DTNA: variants seen among roughly 807,000 people sequenced by gnomAD.
DTNA encodes dystrobrevin alpha.
A neutral mutation model predicts 100.7 loss-of-function variants in DTNA; 43 were observed. The observed-to-expected ratio is 0.43, with a 90% confidence interval of 0.33 to 0.55. The LOEUF is 0.55. Among genes scored for constraint, DTNA ranks in the 20% least tolerant of loss-of-function variants. The probability of loss-of-function intolerance (pLI) is 0.04; values close to 1 mark genes in which losing one functional copy is unlikely to be tolerated. For synonymous variants in DTNA, 349 were observed against 347.9 expected (o/e 1.00, Z -0.04); for missense variants, 798 against 953.9 (o/e 0.84, Z 2.15).
At chr18:34,830,772 C>T (rs1267201408) in intron 11 of DTNA, among the ~76,000 whole-genome samples, 2 of 152,026 alleles carry the variant, frequency 1.3e-5, no homozygotes, top group African/African-American at 4.8e-5. Context: ...ATTGATGGAC[C>T]GATTCACTTC....
intron 3 of DTNA, among the ~76,000 whole-genome samples, chr18:34,786,359 T>G (rs1249856350): frequency 6.6e-6 from 1 of 152,224 alleles, no homozygotes; most frequent in Admixed American, 6.5e-5. Context: ...AACTTTGTTC[T>G]TGTACTCTGA....
intron 3 of DTNA, among the ~76,000 whole-genome samples, chr18:34,783,784 T>A (rs190619939): frequency 5.3e-4 from 80 of 152,370 alleles, no homozygotes; most frequent in Admixed American, 9.1e-4. Flanking sequence ...GCATACCATT[T>A]AATTGAGTCC....
chr18:34,680,071 G>A (rs1003188458), intron 1 of DTNA, among the ~76,000 whole-genome samples: 8 of 152,040 alleles, frequency 5.3e-5, no homozygotes, highest in African/African-American at 9.7e-5. Flanking sequence ...GTTTGAGATC[G>A]GGATAACGTT....
chr18:34,577,906 T>A (rs558945415), intron 1 of DTNA, among the ~76,000 whole-genome samples: 1 of 152,014 alleles, frequency 6.6e-6, no homozygotes, highest in Non-Finnish European at 1.5e-5. Context: ...TTGTAAATTG[T>A]GCTGCTATAA....
intron 9 of DTNA, among the ~76,000 whole-genome samples, chr18:34,826,164 C>A (rs2095854050): frequency 6.6e-6 from 1 of 152,148 alleles, no homozygotes; most frequent in African/African-American, 2.4e-5. Context: ...CTTACAAAAT[C>A]TCAGAGTATA....
chr18:34,781,807 A>C (rs1366494378), intron 3 of DTNA, among the ~76,000 whole-genome samples: 2 of 152,244 alleles, frequency 1.3e-5, no homozygotes, highest in Non-Finnish European at 2.9e-5. Context: ...AAGTAAAAGT[A>C]ATGCAGTTGC....
intron 1 of DTNA, among the ~76,000 whole-genome samples, chr18:34,600,563 C>T (rs1236923312): frequency 6.6e-6 from 1 of 152,176 alleles, no homozygotes; most frequent in Non-Finnish European, 1.5e-5. Context: ...TGAAATTTAT[C>T]TTCCAATGCA....
chr18:34,690,179 C>T (rs1421479827), intron 1 of DTNA, among the ~76,000 whole-genome samples: 1 of 152,178 alleles, frequency 6.6e-6, no homozygotes, highest in Non-Finnish European at 1.5e-5. Context: ...GCTTTCCAGG[C>T]ACCACTGGGG....
intron 21 of DTNA, 124 bp from the exon 22 acceptor site, chr18:34,884,604 A>C (rs961715534): frequency 2.8e-6 from 3 of 1,080,282 alleles, no homozygotes; most frequent in Non-Finnish European, 4.3e-6. Flanking sequence ...CGCTACTCTC[A>C]CTCAATAGAC....
intron 1 of DTNA, among the ~76,000 whole-genome samples, chr18:34,556,628 G>A (rs1265502610): frequency 6.6e-6 from 1 of 151,972 alleles, no homozygotes; most frequent in African/African-American, 2.4e-5. Flanking sequence ...CTTCACTTAT[G>A]AAGCTTAGTT....
Position 34,543,729 on chromosome 18 carries a change from A to G in DTNA, c.-2+50215A>G, listed in dbSNP as rs1304213. On this transcript the variant is annotated intron_variant, in intron 1 of 19. Transcript: ENST00000283365. ...TGGGTTTAAAAATTGTGGACAGTAG[A>G]TGACAACAGAAAAATCCCACCAAAT... Among the ~76,000 whole-genome samples the G allele has an allele frequency of 6.3e-3, 966 of 152,272 alleles. 7 individuals carry two copies. Among genetic ancestry groups the G allele is most frequent in the Admixed American group, 0.013 (192 of 15,280 alleles).
At chr18:34,641,617 G>C (rs1334493797) in intron 1 of DTNA, among the ~76,000 whole-genome samples, 12 of 152,218 alleles carry the variant, frequency 7.9e-5, no homozygotes, top group African/African-American at 2.6e-4. Context: ...TTCTTTTCTG[G>C]AGGAGTTCCT....
chr18:34,540,814 A>G (rs2044178574), intron 1 of DTNA, among the ~76,000 whole-genome samples: 1 of 152,106 alleles, frequency 6.6e-6, no homozygotes, highest in Non-Finnish European at 1.5e-5. Flanking sequence ...TCTCTAAACC[A>G]GACATGATGT....
chr18:34,707,430 A>G (rs2082256299), upstream of DTNA, among the ~76,000 whole-genome samples: 1 of 152,188 alleles, frequency 6.6e-6, no homozygotes, highest in Admixed American at 6.5e-5. Flanking sequence ...GGGGATTTAA[A>G]ACTTTGTGAA....
chr18:34,528,546 G>A (rs1046724134), intron 1 of DTNA, among the ~76,000 whole-genome samples: 8 of 151,984 alleles, frequency 5.3e-5, no homozygotes, highest in Admixed American at 2.6e-4. Context: ...GATATACTCC[G>A]GATAACTGCG....
At chr18:34,828,967 G>C (rs1376851422) in intron 10 of DTNA, 1 of 1,532,846 alleles carries the variant, frequency 6.5e-7, no homozygotes, top group Non-Finnish European at 9.0e-7. Flanking sequence ...CTTTTATTAG[G>C]AAGCTCTGCA....
At chr18:34,556,507 A>G (rs2046069018) in intron 1 of DTNA, among the ~76,000 whole-genome samples, 1 of 151,678 alleles carries the variant, frequency 6.6e-6, no homozygotes, top group African/African-American at 2.4e-5. Flanking sequence ...AGCGGCTGGT[A>G]CCGGTTGTTC....
intron 1 of DTNA, among the ~76,000 whole-genome samples, chr18:34,675,799 C>T (rs2077328297): frequency 6.6e-6 from 1 of 152,118 alleles, no homozygotes; most frequent in South Asian, 2.1e-4. Context: ...TCTGTTTGTT[C>T]GTGCAATAAA....
intron 1 of DTNA, among the ~76,000 whole-genome samples, chr18:34,618,404 A>G (rs932727685): frequency 2.6e-5 from 4 of 152,180 alleles, no homozygotes; most frequent in Admixed American, 1.3e-4. Context: ...AGTGCTGACT[A>G]TAAATTACTG....
Sources: gnomAD v4.1 joint callset for allele counts (sites outside exome capture counted in the v4.1 genomes callset) on GRCh38, gnomAD v4.1.1 for gene constraint, MANE v1.5 for transcripts, NCBI Gene and HGNC (gene_info 2026-07-23, HGNC 2026-07-21) for gene names.